The following TMEM181 variants were observed in gnomAD, a reference collection of about 807,000 sequenced individuals.
The protein encoded by TMEM181 is G protein-coupled receptor 178.
Under a neutral mutation model 71.9 loss-of-function variants are expected in TMEM181, and 39 were observed. The ratio of observed to expected loss-of-function variants is 0.54; its 90% CI spans 0.42 to 0.71. The LOEUF is 0.71. Ranked by LOEUF, TMEM181 falls within the 30% of genes least tolerant of loss-of-function variation. The pLI, the probability that TMEM181 is intolerant of heterozygous loss-of-function variation, is 0.00. For missense variants in TMEM181, 595 were observed against 583.0 expected, an observed-to-expected ratio of 1.02 and a Z score of -0.21; for synonymous variants, 245 against 228.8, an observed-to-expected ratio of 1.07 and a Z score of -0.64.
chr6:158,546,247 C>T (rs893727932), intron 1 of TMEM181, among the ~76,000 whole-genome samples: 3 of 152,176 alleles, frequency 2.0e-5, no homozygotes, highest in African/African-American at 7.2e-5. Context: ...AATGCAAAAC[C>T]AAATACCCTC....
Position 158,608,462 on chromosome 6 carries a change from A to T in TMEM181, c.803A>T (p.Gln268Leu). 1 of 1,614,184 alleles carries T rather than the reference A, an allele frequency of 6.2e-7. No homozygotes were observed. The highest frequency in any genetic ancestry group is 8.5e-7 in the Non-Finnish European group (1 of 1,180,028). ...TGCGTGTACCACGGGATTCGTGTCC[A>T]GGTGAGCCGGAGCCGCCCTCACTGC... ...WLCVYHGIRV[Q>L]GERKCLTFYL... Residue 268 changes from glutamine (Q) to leucine (L), a missense_variant and splice_region_variant, in exon 9 of 17, where the codon CAG (glutamine) becomes CTG (leucine). By Grantham distance (113) the Gln-to-Leu change is moderately radical (BLOSUM62 -2). Coordinates refer to ENST00000684151, the MANE Select transcript of TMEM181 (RefSeq NM_001376852.1).
chr6:158,555,350 T>G (rs1192567992), upstream of TMEM181, among the ~76,000 whole-genome samples: 1 of 152,238 alleles, frequency 6.6e-6, no homozygotes, highest in Non-Finnish European at 1.5e-5. Flanking sequence ...TAACTTCCAT[T>G]ACCCCAAACA....
At chr6:158,558,529 A>G (rs1369315224), upstream of TMEM181, among the ~76,000 whole-genome samples, 1 of 152,236 alleles carries the variant, frequency 6.6e-6, no homozygotes. Flanking sequence ...TGAGGCGCAG[A>G]GACAGCTTAA....
intron 1 of TMEM181, among the ~76,000 whole-genome samples, chr6:158,542,514 A>C (rs1781390393): frequency 1.3e-5 from 2 of 152,182 alleles, no homozygotes; most frequent in Admixed American, 1.3e-4. Flanking sequence ...CACTTACCAG[A>C]GCTCTTCCTG....
At chr6:158,624,108 G>A (rs1306989194) in intron 11 of TMEM181, among the ~76,000 whole-genome samples, 2 of 152,198 alleles carry the variant, frequency 1.3e-5, no homozygotes, top group African/African-American at 4.8e-5. Flanking sequence ...TTTGGTTTGT[G>A]GCTGACGCAG....
At chr6:158,627,278 G>A (rs1786371999) in intron 13 of TMEM181, among the ~76,000 whole-genome samples, 1 of 152,144 alleles carries the variant, frequency 6.6e-6, no homozygotes, top group South Asian at 2.1e-4. Context: ...CCTCCGTCTC[G>A]GAAGTTGCCC....
chr6:158,578,361 AT>A (rs372618592), intron 2 of TMEM181, among the ~76,000 whole-genome samples: 340 of 152,140 alleles, frequency 2.2e-3, no homozygotes, highest in African/African-American at 7.8e-3. Flanking sequence ...GTATAACTCC[AT>A]TTTTTTTGTT....
chr6:158,604,039 A>G (rs11963734), intron 6 of TMEM181, among the ~76,000 whole-genome samples: 3 of 152,252 alleles, frequency 2.0e-5, no homozygotes, highest in Non-Finnish European at 2.9e-5. Context: ...AGCATTCAGC[A>G]TATGCTACCC....
At chr6:158,593,409 A>T (rs577018614) in intron 6 of TMEM181, among the ~76,000 whole-genome samples, 1 of 152,366 alleles carries the variant, frequency 6.6e-6, no homozygotes, top group East Asian at 1.9e-4. Flanking sequence ...TCCCGTAATG[A>T]ATGTTTATTA....
At chr6:158,561,246 GT>G (rs1350435213) in intron 1 of TMEM181, among the ~76,000 whole-genome samples, 1 of 152,256 alleles carries the variant, frequency 6.6e-6, no homozygotes, top group Non-Finnish European at 1.5e-5. Flanking sequence ...AGAGAGATCT[GT>G]TTTTCCTTCT....
chr6:158,562,497 T>C (rs893983741), intron 1 of TMEM181, among the ~76,000 whole-genome samples: 24 of 151,310 alleles, frequency 1.6e-4, no homozygotes, highest in Admixed American at 1.4e-3. Context: ...CGTGAAGCCA[T>C]TTTTTAGTGT....
rs185078049 is a variant in TMEM181 at position 158,537,663 on chromosome 6, C to T, written c.131+798C>T. Among the ~76,000 whole-genome samples the T allele has an allele frequency of 4.3e-3, 660 of 152,306 alleles. 5 individuals carry two copies. Among genetic ancestry groups the T allele is most frequent in the African/African-American group, 0.015 (618 of 41,558 alleles). ...GCGAGTCGGTAGAAAGCTCCCTCAC[C>T]CCCCCACCTCAACCTTCCCCATCTG... is the stretch of plus-strand genomic sequence containing the variant. On this transcript the variant is annotated intron_variant, in intron 1 of 16. Transcript: ENST00000367090.
chr6:158,626,952 CCTCACT>C (rs1293198148), intron 13 of TMEM181, among the ~76,000 whole-genome samples: 1 of 137,786 alleles, frequency 7.3e-6, no homozygotes, highest in Non-Finnish European at 1.6e-5. Flanking sequence ...TCACCCTCAC[CCTCACT>C]CACACCCTCT....
At chr6:158,631,493 A>T in intron 16 of TMEM181, 104 bp downstream of exon 16, 1 of 1,281,120 alleles carries the variant, frequency 7.8e-7, no homozygotes, top group South Asian at 1.2e-5. Flanking sequence ...CAAGGTATGA[A>T]GGCATTTACC....
chr6:158,629,911 G>C (rs941786434), intron 15 of TMEM181, 92 bp downstream of exon 15: 3 of 1,037,500 alleles, frequency 2.9e-6, no homozygotes, highest in Non-Finnish European at 1.5e-6. Context: ...TCCCATTCAT[G>C]TGGGCGCTGT....
At chr6:158,606,880 G>T (rs1784986579) in intron 7 of TMEM181, among the ~76,000 whole-genome samples, 1 of 152,242 alleles carries the variant, frequency 6.6e-6, no homozygotes, top group Non-Finnish European at 1.5e-5. Context: ...TCGTCTGAGT[G>T]CTGGCTCTCT....
intron 1 of TMEM181, among the ~76,000 whole-genome samples, chr6:158,537,217 C>T (rs1295300111): frequency 3.9e-5 from 6 of 152,072 alleles, no homozygotes; most frequent in East Asian, 1.9e-4. Context: ...TCGTTCTCCC[C>T]CCGCGCCCGC....
At chr6:158,572,714 T>G (rs768894957) in intron 1 of TMEM181, among the ~76,000 whole-genome samples, 2 of 151,912 alleles carry the variant, frequency 1.3e-5, no homozygotes, top group Non-Finnish European at 2.9e-5. Flanking sequence ...CCTCCTAGAG[T>G]TTTCCTGTGA....
At chr6:158,612,010 C>G (rs1472840476) in intron 10 of TMEM181, among the ~76,000 whole-genome samples, 1 of 149,032 alleles carries the variant, frequency 6.7e-6, no homozygotes, top group Non-Finnish European at 1.5e-5. Flanking sequence ...TTTAGCTTGT[C>G]TATCTTAGCG....
Sources: allele counts gnomAD v4.1 joint callset (sites outside exome capture counted in the v4.1 genomes callset), GRCh38; gene constraint gnomAD v4.1.1; transcripts MANE v1.5; gene names NCBI Gene and HGNC (gene_info 2026-07-23, HGNC 2026-07-21).